Variants in SPAG16 observed in about 807,000 individuals in gnomAD.
SPAG16 encodes the protein sperm-associated antigen 16 protein.
Under a neutral mutation model 80.4 loss-of-function variants are expected in SPAG16, and 86 were observed. That is an observed-to-expected ratio of 1.07 (90% CI 0.90 to 1.28). The LOEUF (loss-of-function observed/expected upper bound fraction) is 1.28. SPAG16 is among the 50% of genes most tolerant of loss of function. The pLI, the probability that SPAG16 is intolerant of heterozygous loss-of-function variation, is 0.00. For missense variants in SPAG16, 870 were observed against 765.3 expected, an observed-to-expected ratio of 1.14 and a Z score of -1.61; for synonymous variants, 294 against 265.9, an observed-to-expected ratio of 1.11 and a Z score of -1.03.
intron 10 of SPAG16, among the ~76,000 whole-genome samples, chr2:213,745,398 A>G (rs1195340365): frequency 6.6e-6 from 1 of 152,100 alleles, no homozygotes; most frequent in Non-Finnish European, 1.5e-5. Context: ...GCCTGCCACC[A>G]TGCCTGGCTA....
At chr2:213,951,105 A>T (rs925359192) in intron 12 of SPAG16, among the ~76,000 whole-genome samples, 3 of 151,880 alleles carry the variant, frequency 2.0e-5, no homozygotes, top group Non-Finnish European at 4.4e-5. Context: ...CAAGATATTT[A>T]AAATACCACC....
chr2:214,129,595 C>T (rs187047828), intron 14 of SPAG16, among the ~76,000 whole-genome samples: 1 of 152,122 alleles, frequency 6.6e-6, no homozygotes, highest in East Asian at 1.9e-4. Context: ...TATAGTTAGC[C>T]CTTCCTCCTA....
intron 10 of SPAG16, among the ~76,000 whole-genome samples, chr2:213,704,113 T>C (rs1456646930): frequency 2.6e-5 from 4 of 152,186 alleles, no homozygotes; most frequent in Non-Finnish European, 1.5e-5. Flanking sequence ...GGCAGCCTTA[T>C]CATCAGAAAG....
chr2:213,835,642 A>G (rs2074031945), intron 10 of SPAG16, among the ~76,000 whole-genome samples: 1 of 152,162 alleles, frequency 6.6e-6, no homozygotes, highest in Admixed American at 6.5e-5. Flanking sequence ...AATGAAAATA[A>G]TCCCAATGGG....
intron 15 of SPAG16, among the ~76,000 whole-genome samples, chr2:214,308,841 G>T (rs985450529): frequency 6.6e-6 from 1 of 151,952 alleles, no homozygotes; most frequent in Non-Finnish European, 1.5e-5. Context: ...TTTTGACCTT[G>T]GAGCATATGA....
intron 10 of SPAG16, among the ~76,000 whole-genome samples, chr2:213,767,679 A>AC (rs5838389): frequency 4.0e-5 from 6 of 151,164 alleles, no homozygotes; most frequent in South Asian, 4.2e-4. Context: ...ACACACACAC[A>AC]AAATCAGATA....
intron 9 of SPAG16, among the ~76,000 whole-genome samples, chr2:213,403,262 T>G (rs563449987): frequency 3.9e-4 from 59 of 152,320 alleles, no homozygotes; most frequent in African/African-American, 1.1e-3. Flanking sequence ...TCGCCCACTT[T>G]TTGATGGGGT....
chr2:214,137,256 G>A (rs1178127729), intron 14 of SPAG16, among the ~76,000 whole-genome samples: 1 of 151,778 alleles, frequency 6.6e-6, no homozygotes, highest in South Asian at 2.1e-4. Context: ...AGACAATTTT[G>A]CATGCTGCTA....
intron 11 of SPAG16, among the ~76,000 whole-genome samples, chr2:213,879,666 A>G (rs577013776): frequency 6.6e-6 from 1 of 151,740 alleles, no homozygotes; most frequent in Non-Finnish European, 1.5e-5. Context: ...TGCCATGTCT[A>G]TTGTTCCCAT....
At chr2:214,251,617 A>G (rs1690298172) in intron 15 of SPAG16, among the ~76,000 whole-genome samples, 1 of 152,132 alleles carries the variant, frequency 6.6e-6, no homozygotes. Context: ...GTGAGTAAGG[A>G]TGCACATTAC....
chr2:213,680,264 T>A (rs976054163), intron 10 of SPAG16, among the ~76,000 whole-genome samples: 1 of 152,088 alleles, frequency 6.6e-6, no homozygotes, highest in African/African-American at 2.4e-5. Context: ...ATAAGGAGCC[T>A]TGTTTGGCTG....
chr2:214,346,906 G>A (rs1698088519), intron 15 of SPAG16, among the ~76,000 whole-genome samples: 2 of 152,072 alleles, frequency 1.3e-5, no homozygotes. Context: ...TCCAAGCCTT[G>A]CCTAAATTCC....
chr2:214,027,524 T>C (rs927268108), intron 13 of SPAG16, among the ~76,000 whole-genome samples: 2 of 151,720 alleles, frequency 1.3e-5, no homozygotes, highest in South Asian at 2.1e-4. Flanking sequence ...GGTGGTAAAA[T>C]TTGCATTTTT....
Position 214,125,991 on chromosome 2 carries a change from CTTCCTTCT to C in SPAG16, c.1593+17738_1593+17745del, listed in dbSNP as rs1279644818. Among the ~76,000 whole-genome samples, 386 of 132,638 alleles carry C rather than the reference CTTCCTTCT, an allele frequency of 2.9e-3. 4 individuals carry two copies. The highest frequency in any genetic ancestry group is 0.01 in the African/African-American group (372 of 35,860). The allele number at this position is 132,638 out of a possible 152,430, so 87.0% of individuals were successfully genotyped here. ...TCCAGTAAGGCCTGACTTTCTTTTCCTTCCTTCTTTCCTTCCTTCCTTCCTTCCTTCCT... is the reference window on the plus strand; with the variant it reads ...TCCAGTAAGGCCTGACTTTCTTTTCCTTCCTTCCTTCCTTCCTTCCTTCCT... On this transcript the variant is annotated intron_variant, in intron 14 of 15. Transcript: ENST00000331683.
chr2:214,159,219 CAAAG>C (rs779772852), intron 15 of SPAG16, among the ~76,000 whole-genome samples: 4 of 151,936 alleles, frequency 2.6e-5, no homozygotes, highest in Non-Finnish European at 2.9e-5. Context: ...TAAATTTATA[CAAAG>C]AAAGAAGAGA....
At chr2:214,288,526 C>A (rs1283927463) in intron 15 of SPAG16, among the ~76,000 whole-genome samples, 1 of 151,958 alleles carries the variant, frequency 6.6e-6, no homozygotes, top group African/African-American at 2.4e-5. Context: ...AGTGGTTATA[C>A]TAACTTTCAT....
At chr2:214,064,504 T>A (rs1222468180) in intron 13 of SPAG16, among the ~76,000 whole-genome samples, 1 of 152,126 alleles carries the variant, frequency 6.6e-6, no homozygotes, top group African/African-American at 2.4e-5. Context: ...CTACATTGTA[T>A]GTGTATTATT....
At chr2:214,387,025 T>G (rs548148061) in intron 15 of SPAG16, among the ~76,000 whole-genome samples, 1 of 152,226 alleles carries the variant, frequency 6.6e-6, no homozygotes, top group East Asian at 1.9e-4. Context: ...TCTTGACACA[T>G]TATCTTTTTA....
chr2:213,542,115 G>A (rs12618225), intron 10 of SPAG16, among the ~76,000 whole-genome samples: 45,938 of 151,982 alleles, frequency 0.3, 7,291 homozygotes, highest in Middle Eastern at 0.44. Flanking sequence ...AAAAAGAAAC[G>A]TAACAAGAAC....
Sources: gnomAD v4.1 joint callset for allele counts (sites outside exome capture counted in the v4.1 genomes callset) on GRCh38, gnomAD v4.1.1 for gene constraint, MANE v1.5 for transcripts, NCBI Gene and HGNC (gene_info 2026-07-23, HGNC 2026-07-21) for gene names.